The following HYCC2 variants were observed in gnomAD, a reference collection of about 807,000 sequenced individuals.
HYCC2 encodes the protein hyccin PI4KA lipid kinase complex subunit 2.
the HYCC2 span, among the ~76,000 whole-genome samples, chr2:201,000,658 A>T: frequency 6.6e-6 from 1 of 152,200 alleles, no homozygotes; most frequent in Non-Finnish European, 1.5e-5. Context: ...GAAGCATGAC[A>T]GTTCCTCAAG....
the HYCC2 span, among the ~76,000 whole-genome samples, chr2:200,991,269 A>G: frequency 6.6e-6 from 1 of 152,092 alleles, no homozygotes. Flanking sequence ...CAGGATTTCA[A>G]AACCAGCCTG....
At chr2:201,022,588 T>C in the HYCC2 span, 3 of 320,224 alleles carry the variant, frequency 9.4e-6, no homozygotes, top group Admixed American at 4.7e-5. Flanking sequence ...ACTGAGATGA[T>C]GGTCAATAAA....
At chr2:201,037,823 T>A in the HYCC2 span, among the ~76,000 whole-genome samples, 8 of 152,116 alleles carry the variant, frequency 5.3e-5, no homozygotes, top group Non-Finnish European at 1.0e-4. Context: ...ATTCAGGACA[T>A]AGGCATGGGC....
chr2:200,984,332 G>A, the HYCC2 span, among the ~76,000 whole-genome samples: 1 of 152,136 alleles, frequency 6.6e-6, no homozygotes, highest in Non-Finnish European at 1.5e-5. Context: ...GAGCCATCGT[G>A]CCTGGCCAGT....
chr2:201,039,157 C>T, the HYCC2 span, among the ~76,000 whole-genome samples: 1 of 152,168 alleles, frequency 6.6e-6, no homozygotes, highest in African/African-American at 2.4e-5. Context: ...CTTCCTCCTC[C>T]CTCCAACCCC....
At chr2:201,039,990 C>T in the HYCC2 span, among the ~76,000 whole-genome samples, 6 of 152,018 alleles carry the variant, frequency 3.9e-5, no homozygotes, top group East Asian at 1.9e-4. Context: ...CTGGCCAACA[C>T]GGTGAAACCC....
the HYCC2 span, among the ~76,000 whole-genome samples, chr2:201,070,520 C>T: frequency 2.0e-5 from 3 of 151,998 alleles, no homozygotes; most frequent in East Asian, 3.9e-4. Context: ...GGCGTGGTGG[C>T]GCATGCCTGT....
chr2:201,003,302 C>G, the HYCC2 span, among the ~76,000 whole-genome samples: 2 of 152,130 alleles, frequency 1.3e-5, no homozygotes, highest in South Asian at 4.1e-4. Context: ...ATCCTCCCAC[C>G]TCAATCCATG....
chr2:201,017,204 A>G, the HYCC2 span: 10 of 1,544,478 alleles, frequency 6.5e-6, no homozygotes, highest in East Asian at 2.3e-5. Context: ...GGTCATTTCA[A>G]TTCTTTTGGT....
the HYCC2 span, among the ~76,000 whole-genome samples, chr2:200,999,950 C>T: frequency 6.8e-6 from 1 of 146,532 alleles, no homozygotes; most frequent in Non-Finnish European, 1.5e-5. Context: ...CCCAGTTACT[C>T]GGGAAGCTGA....
chr2:201,045,686 G>A, the HYCC2 span: 1 of 392,196 alleles, frequency 2.5e-6, no homozygotes, highest in East Asian at 3.6e-5. Context: ...TTACAATATA[G>A]CTTATCTAAT....
the HYCC2 span, among the ~76,000 whole-genome samples, chr2:200,986,407 C>A: frequency 6.6e-6 from 1 of 152,122 alleles, no homozygotes; most frequent in Non-Finnish European, 1.5e-5. Flanking sequence ...TGCTTGATTT[C>A]ATAAATAAGT....
At chr2:200,994,041 A>C in the HYCC2 span, among the ~76,000 whole-genome samples, 1 of 152,208 alleles carries the variant, frequency 6.6e-6, no homozygotes, top group East Asian at 1.9e-4. Context: ...GGGGAATGGA[A>C]ATTTCTTCTT....
chr2:200,996,655 T>C, the HYCC2 span: 4 of 152,230 alleles, frequency 2.6e-5, no homozygotes, highest in African/African-American at 9.6e-5. Flanking sequence ...AAATTATGAT[T>C]TAGTAAAGAT....
At chr2:201,069,288 C>A in the HYCC2 span, among the ~76,000 whole-genome samples, 1 of 152,142 alleles carries the variant, frequency 6.6e-6, no homozygotes, top group African/African-American at 2.4e-5. Context: ...AACAATTAAA[C>A]TCCTTTACAA....
chr2:201,048,898 G>A, the HYCC2 span, among the ~76,000 whole-genome samples: 2 of 152,008 alleles, frequency 1.3e-5, no homozygotes, highest in African/African-American at 4.8e-5. Context: ...GGAGGCTTGA[G>A]CTCAGGAGTT....
At chr2:201,019,446 AAAGT>A in the HYCC2 span, among the ~76,000 whole-genome samples, 2 of 152,150 alleles carry the variant, frequency 1.3e-5, no homozygotes, top group Admixed American at 6.6e-5. Flanking sequence ...ATACTACTAC[AAAGT>A]AAGACCGTTA....
chr2:201,067,907 T>G, the HYCC2 span, among the ~76,000 whole-genome samples: 1 of 152,210 alleles, frequency 6.6e-6, no homozygotes, highest in Non-Finnish European at 1.5e-5. Context: ...AGCAGCTAAG[T>G]GCCAAGTAAG....
chr2:201,033,371 A>AT, the HYCC2 span, among the ~76,000 whole-genome samples: 1 of 144,048 alleles, frequency 6.9e-6, no homozygotes, highest in African/African-American at 2.6e-5. Context: ...TGCTTGGCTA[A>AT]TTTATTTTAT....
Sources: gnomAD v4.1 joint callset for allele counts (sites outside exome capture counted in the v4.1 genomes callset) on GRCh38, gnomAD v4.1.1 for gene constraint, MANE v1.5 for transcripts, NCBI Gene and HGNC (gene_info 2026-07-23, HGNC 2026-07-21) for gene names.